The following SDK1 variants were observed in gnomAD, a reference collection of about 807,000 sequenced individuals.
The protein encoded by SDK1 is protein sidekick-1.
A neutral mutation model predicts 245.5 loss-of-function variants in SDK1; 157 were observed. That is an observed-to-expected ratio of 0.64 (90% CI 0.56 to 0.73). SDK1 has a LOEUF of 0.73. Ranked by LOEUF, SDK1 falls within the 30% of genes least tolerant of loss-of-function variation. The pLI is 0.00. For missense variants in SDK1, 3,583 were observed against 3,002.3 expected (o/e 1.19, Z -4.52); for synonymous variants, 1,647 against 1,278.5 (o/e 1.29, Z -6.15).
intron 1 of SDK1, among the ~76,000 whole-genome samples, chr7:3,564,851 T>A (rs1184037262): frequency 6.6e-6 from 1 of 152,108 alleles, no homozygotes; most frequent in African/African-American, 2.4e-5. Context: ...TTTCTGAAGT[T>A]AATGAAACCT....
At chr7:3,929,320 A>C (rs1199994732) in intron 5 of SDK1, among the ~76,000 whole-genome samples, 1 of 152,240 alleles carries the variant, frequency 6.6e-6, no homozygotes, top group Non-Finnish European at 1.5e-5. Flanking sequence ...GGCCAGCTGT[A>C]ATCTGCCAGC....
At chr7:4,118,371 T>C (rs1483966813) in intron 25 of SDK1, among the ~76,000 whole-genome samples, 1 of 152,142 alleles carries the variant, frequency 6.6e-6, no homozygotes, top group Non-Finnish European at 1.5e-5. Context: ...TAAGCTGCAA[T>C]GAGATACCAC....
chr7:4,258,715 C>T (rs907970193), intron 44 of SDK1, among the ~76,000 whole-genome samples: 6 of 152,158 alleles, frequency 3.9e-5, no homozygotes, highest in Admixed American at 3.3e-4. Context: ...CCACTTCTCT[C>T]GTTTTTCCCC....
intron 4 of SDK1, among the ~76,000 whole-genome samples, chr7:3,802,327 C>T (rs150403402): frequency 4.4e-4 from 67 of 151,994 alleles, no homozygotes; most frequent in African/African-American, 1.1e-3. Flanking sequence ...AGTTCAAGAC[C>T]GGCCTGGGCA....
intron 40 of SDK1, among the ~76,000 whole-genome samples, chr7:4,222,382 C>T (rs904224979): frequency 1.3e-5 from 2 of 152,190 alleles, no homozygotes; most frequent in African/African-American, 2.4e-5. Flanking sequence ...GCAATCTCTG[C>T]CTCCCGGGTT....
Position 4,128,058 on chromosome 7 carries a change from C to A in SDK1, c.3939+562C>A, listed in dbSNP as rs1184727103. ...CCATTTCTGGGTTCCATCTTCCATG[C>A]ATCCACCCCACCCCTTTAAAACCCC... is the stretch of plus-strand genomic sequence containing the variant. On this transcript the variant is annotated intron_variant, in intron 26 of 44. Transcript: ENST00000404826. Among the ~76,000 whole-genome samples, 4 of 152,198 alleles carry A rather than the reference C, an allele frequency of 2.6e-5. No homozygotes were observed. In the South Asian group the frequency reaches 8.3e-4, roughly 32 times the overall value.
At chr7:3,774,214 C>CAAA (rs35211488) in intron 4 of SDK1, among the ~76,000 whole-genome samples, 2 of 70,360 alleles carry the variant, frequency 2.8e-5, no homozygotes, top group African/African-American at 5.3e-5. Context: ...GACTCCATCT[C>CAAA]AAAAAAAAAA....
intron 8 of SDK1, among the ~76,000 whole-genome samples, chr7:3,961,240 A>T (rs995644305): frequency 6.6e-6 from 1 of 152,264 alleles, no homozygotes; most frequent in Non-Finnish European, 1.5e-5. Context: ...TGTAACTGCT[A>T]TTATGAGATA....
At chr7:3,399,219 C>G (rs1778816116) in intron 1 of SDK1, among the ~76,000 whole-genome samples, 1 of 151,818 alleles carries the variant, frequency 6.6e-6, no homozygotes. Flanking sequence ...CTTTTTTCTG[C>G]TCATTTTTGT....
At chr7:4,072,402 TGCAGCTCTTTGGAG>T (rs1298230343) in intron 20 of SDK1, among the ~76,000 whole-genome samples, 5 of 152,176 alleles carry the variant, frequency 3.3e-5, no homozygotes, top group African/African-American at 1.2e-4. Flanking sequence ...AGTGGACGCC[TGCAGCTCTTTGGAG>T]GAGAAGGTCC....
chr7:3,547,221 C>T (rs1779251899), intron 1 of SDK1, among the ~76,000 whole-genome samples: 1 of 152,038 alleles, frequency 6.6e-6, no homozygotes, highest in Non-Finnish European at 1.5e-5. Flanking sequence ...ACTTTAAGTG[C>T]TTTGATAGCC....
chr7:4,084,398 T>A (rs1781289623), intron 22 of SDK1, among the ~76,000 whole-genome samples: 1 of 152,222 alleles, frequency 6.6e-6, no homozygotes, highest in Non-Finnish European at 1.5e-5. Flanking sequence ...CTAGGGAGGC[T>A]TTCGTATCCT....
intron 1 of SDK1, among the ~76,000 whole-genome samples, chr7:3,504,756 C>A (rs1487123397): frequency 6.7e-6 from 1 of 149,820 alleles, no homozygotes; most frequent in South Asian, 2.1e-4. Flanking sequence ...TTAGACATTA[C>A]ACTAAAAGCA....
At position 3,723,440 on chromosome 7, in the gene SDK1, T is replaced by A. The variant is rs181927951; in HGVS notation, c.713+81335T>A. 2.0e-5 allele frequency among the ~76,000 whole-genome samples: 3 copies of A among 152,336 alleles called. No homozygotes were observed. In the East Asian group the frequency reaches 5.8e-4, roughly 29 times the overall value. The stretch of plus-strand genomic sequence containing the variant: ...TGATGACTTAATAAGGGGATCTCCC[T>A]GTGGATGGGGTAAGTTAAAAGAGAT... On this transcript the variant is annotated intron_variant, in intron 4 of 44. Coordinates refer to ENST00000404826, the MANE Select transcript of SDK1 (RefSeq NM_152744.4).
chr7:3,723,658 T>TTGTGTGTGTG (rs139688945), intron 4 of SDK1, among the ~76,000 whole-genome samples: 1,889 of 134,174 alleles, frequency 0.014, 103 homozygotes, highest in African/African-American at 0.054. Context: ...TAAGTAAAAG[T>TTGTGTGTGTG]TGTGTGTGTG....
intron 1 of SDK1, among the ~76,000 whole-genome samples, chr7:3,522,466 C>T (rs1285792889): frequency 3.3e-5 from 5 of 152,130 alleles, no homozygotes; most frequent in Admixed American, 2.6e-4. Flanking sequence ...TAAAATAACT[C>T]ACGTACATGG....
chr7:3,934,101 C>T (rs756287148), intron 5 of SDK1, among the ~76,000 whole-genome samples: 1 of 152,158 alleles, frequency 6.6e-6, no homozygotes, highest in Non-Finnish European at 1.5e-5. Flanking sequence ...GCCTGAATAG[C>T]GGTAATTTCT....
chr7:3,314,619 A>G (rs184435745), intron 1 of SDK1, among the ~76,000 whole-genome samples: 1 of 152,292 alleles, frequency 6.6e-6, no homozygotes, highest in East Asian at 1.9e-4. Context: ...AATTACTTAT[A>G]TCTGTATCAT....
rs1788621021 is a variant in SDK1, at chr7:4,268,689, T to C, written c.*3305T>C. 7.3e-7 allele frequency: 1 copy of C among 1,367,750 alleles called. No homozygotes were observed. Among genetic ancestry groups the C allele is most frequent in the African/African-American group, 1.5e-5 (1 of 67,744 alleles). 84.7% of individuals were successfully genotyped at this position (1,367,750 alleles called of 1,614,324 possible). ...TTCTTGGCACACAGTGTAGCTATCCTCCTGACGAGCAACCCGTCTGCGTAC... is the reference window on the plus strand; with the variant it reads ...TTCTTGGCACACAGTGTAGCTATCCCCCTGACGAGCAACCCGTCTGCGTAC... On this transcript the variant is annotated 3_prime_UTR_variant, in exon 45 of 45. Coordinates refer to ENST00000404826, the MANE Select transcript of SDK1 (RefSeq NM_152744.4).
Sources: allele counts gnomAD v4.1 joint callset (sites outside exome capture counted in the v4.1 genomes callset), GRCh38; gene constraint gnomAD v4.1.1; transcripts MANE v1.5; gene names NCBI Gene and HGNC (gene_info 2026-07-23, HGNC 2026-07-21).